The following SUCLG2 variants were observed in gnomAD, a reference collection of about 807,000 sequenced individuals.
SUCLG2 encodes succinate--CoA ligase [GDP-forming] subunit beta, mitochondrial.
A neutral mutation model predicts 47.9 loss-of-function variants in SUCLG2; 42 were observed. The observed-to-expected ratio is 0.88, with a 90% CI of 0.69 to 1.14. SUCLG2 has a LOEUF of 1.14. SUCLG2 is among the 50% of genes most tolerant of loss of function. The pLI is 0.00. For synonymous variants in SUCLG2, 195 were observed against 197.3 expected (o/e 0.99, Z 0.10); for missense variants, 571 against 525.9 (o/e 1.09, Z -0.84).
chr3:67,483,184 C>T (rs557355914), intron 9 of SUCLG2, among the ~76,000 whole-genome samples: 12 of 152,006 alleles, frequency 7.9e-5, no homozygotes, highest in African/African-American at 2.4e-4. Flanking sequence ...GAGAGAGTTG[C>T]CACCCAAATT....
intron 9 of SUCLG2, among the ~76,000 whole-genome samples, chr3:67,422,895 AC>A (rs1703202417): frequency 6.6e-6 from 1 of 152,188 alleles, no homozygotes. Flanking sequence ...TTGTGAGGAC[AC>A]CCATCACATT....
chr3:67,389,247 G>C (rs1170321804), intron 10 of SUCLG2, among the ~76,000 whole-genome samples: 6 of 152,150 alleles, frequency 3.9e-5, no homozygotes, highest in Non-Finnish European at 7.3e-5. Flanking sequence ...TGATGGCATA[G>C]TTGATGGACT....
chr3:67,592,729 A>AC (rs1456480969), intron 2 of SUCLG2, among the ~76,000 whole-genome samples: 3 of 124,310 alleles, frequency 2.4e-5, no homozygotes, highest in African/African-American at 9.4e-5. Context: ...AAAAAAAAAA[A>AC]AAAAAAACAA....
chr3:67,588,375 C>T (rs1285199925), intron 2 of SUCLG2, among the ~76,000 whole-genome samples: 2 of 152,166 alleles, frequency 1.3e-5, no homozygotes, highest in African/African-American at 4.8e-5. Flanking sequence ...AAACTCCTAT[C>T]CATAAGAAAG....
chr3:67,410,530 T>C (rs1402630386), intron 9 of SUCLG2, among the ~76,000 whole-genome samples: 1 of 152,192 alleles, frequency 6.6e-6, no homozygotes, highest in African/African-American at 2.4e-5. Context: ...CCGTATCCTT[T>C]TGAACTGAGA....
chr3:67,448,337 G>C (rs1703976144), intron 9 of SUCLG2, among the ~76,000 whole-genome samples: 3 of 152,098 alleles, frequency 2.0e-5, no homozygotes, highest in Admixed American at 2.0e-4. Context: ...TATATGATGG[G>C]TCCATTTATT....
intron 10 of SUCLG2, among the ~76,000 whole-genome samples, chr3:67,392,262 C>A (rs1187120145): frequency 6.6e-6 from 1 of 152,198 alleles, no homozygotes; most frequent in Non-Finnish European, 1.5e-5. Context: ...TCCTCTCCAC[C>A]TTTTCCCTGC....
chr3:67,414,275 G>T (rs949824334), intron 9 of SUCLG2, among the ~76,000 whole-genome samples: 8 of 152,184 alleles, frequency 5.3e-5, no homozygotes, highest in Non-Finnish European at 1.0e-4. Flanking sequence ...TAGTTGAGAA[G>T]ACTGTAATCT....
At chr3:67,380,658 G>C (rs1208678447) in intron 10 of SUCLG2, among the ~76,000 whole-genome samples, 2 of 151,442 alleles carry the variant, frequency 1.3e-5, no homozygotes, top group African/African-American at 2.4e-5. Flanking sequence ...TGACCAGGTA[G>C]AAACTTGTTA....
At chr3:67,361,635 C>G (rs1263123677) in intron 10 of SUCLG2, among the ~76,000 whole-genome samples, 1 of 152,204 alleles carries the variant, frequency 6.6e-6, no homozygotes, top group Non-Finnish European at 1.5e-5. Context: ...GGCCTGGCCC[C>G]TGCCCACTTC....
chr3:67,385,122 G>A (rs547430653), intron 10 of SUCLG2, among the ~76,000 whole-genome samples: 4 of 152,190 alleles, frequency 2.6e-5, no homozygotes, highest in South Asian at 2.1e-4. Flanking sequence ...ATTGAGTCAG[G>A]AAGAAATGAA....
intron 9 of SUCLG2, among the ~76,000 whole-genome samples, chr3:67,483,494 A>G (rs991683671): frequency 6.6e-6 from 1 of 152,182 alleles, no homozygotes; most frequent in African/African-American, 2.4e-5. Flanking sequence ...TTTCATTTTT[A>G]TATTTCAAAC....
intron 1 of SUCLG2, among the ~76,000 whole-genome samples, chr3:67,629,804 G>T (rs1394221020): frequency 6.6e-6 from 1 of 152,030 alleles, no homozygotes; most frequent in Non-Finnish European, 1.5e-5. Flanking sequence ...AATAACAAAA[G>T]AACATTTTAT....
intron 1 of SUCLG2, among the ~76,000 whole-genome samples, chr3:67,642,922 G>C (rs1701126338): frequency 6.8e-6 from 1 of 146,734 alleles, no homozygotes; most frequent in Non-Finnish European, 1.5e-5. Context: ...AGGACTCTGT[G>C]TGTGTGTGTG....
chr3:67,635,559 T>G (rs1700995505), intron 1 of SUCLG2, among the ~76,000 whole-genome samples: 1 of 152,172 alleles, frequency 6.6e-6, no homozygotes, highest in Admixed American at 6.5e-5. Flanking sequence ...GCCTTATGCA[T>G]GTGTTGTTCA....
intron 4 of SUCLG2, among the ~76,000 whole-genome samples, chr3:67,527,334 G>A (rs2107143651): frequency 6.6e-6 from 1 of 152,354 alleles, no homozygotes; most frequent in East Asian, 1.9e-4. Context: ...ATGCTTTTCA[G>A]GGCTGACACA....
Position 67,393,844 on chromosome 3 carries a change from C to T in SUCLG2, c.1183+6887G>A, listed in dbSNP as rs539076370. ...CAAAACTTCCAGAGGAACGATCAGA[C>T]AGCAGCATTCGCGGTTCATGAAAAC... On this transcript the variant is annotated intron_variant, in intron 10 of 10. Transcript: ENST00000307227. Among the ~76,000 whole-genome samples the T allele has an allele frequency of 3.8e-4, 58 of 152,278 alleles. No homozygotes were observed. In the South Asian group the frequency reaches 0.011, roughly 28 times the overall value.
chr3:67,395,757 A>C (rs1405044127), intron 10 of SUCLG2, among the ~76,000 whole-genome samples: 10 of 152,232 alleles, frequency 6.6e-5, no homozygotes, highest in Admixed American at 2.0e-4. Flanking sequence ...CCAAAATTGA[A>C]CACATAGTTG....
chr3:67,524,344 C>G (rs1706197949), intron 4 of SUCLG2, among the ~76,000 whole-genome samples: 1 of 152,192 alleles, frequency 6.6e-6, no homozygotes, highest in African/African-American at 2.4e-5. Context: ...AAATATCATG[C>G]TACTGGAATT....
Sources: allele counts gnomAD v4.1 joint callset (sites outside exome capture counted in the v4.1 genomes callset), GRCh38; gene constraint gnomAD v4.1.1; transcripts MANE v1.5; gene names NCBI Gene and HGNC (gene_info 2026-07-23, HGNC 2026-07-21).